VPS16: variants seen among roughly 807,000 people sequenced by gnomAD.
VPS16 encodes vacuolar protein sorting-associated protein 16 homolog.
A neutral mutation model predicts 116.0 loss-of-function variants in VPS16; 82 were observed. The observed-to-expected ratio is 0.71, with a 90% confidence interval of 0.59 to 0.85. The LOEUF (loss-of-function observed/expected upper bound fraction) is 0.85. VPS16 is among the 40% of genes least tolerant of loss of function. The pLI, the probability that VPS16 is intolerant of heterozygous loss-of-function variation, is 0.00. For missense variants in VPS16, 928 were observed against 1,090.6 expected (o/e 0.85, Z 2.10); for synonymous variants, 406 against 420.7 (o/e 0.96, Z 0.43).
intron 9 of VPS16, 39 bp downstream of exon 9, chr20:2,861,743 G>C: frequency 6.2e-7 from 1 of 1,611,190 alleles, no homozygotes; most frequent in African/African-American, 1.3e-5. Flanking sequence ...AGAGAGGGGA[G>C]GGGAGGGTTC....
intron 1 of VPS16, among the ~76,000 whole-genome samples, chr20:2,843,185 G>A (rs1327776143): frequency 6.6e-6 from 1 of 151,918 alleles, no homozygotes. Context: ...TGTAATCCCA[G>A]CACTTTGGGA....
Position 2,861,855 on chromosome 20 carries a change from G to T in VPS16, c.950G>T (p.Arg317Leu), listed in dbSNP as rs1161165222. The T allele has an allele frequency of 1.2e-6, 2 of 1,613,688 alleles. No homozygotes were observed. Among genetic ancestry groups the T allele is most frequent in the Non-Finnish European group, 1.7e-6 (2 of 1,179,858 alleles). Residue 317 changes from arginine (R) to leucine (L), a missense_variant, in exon 10 of 24, where the codon CGC becomes CTC. Physicochemically the swap from Arg to Leu is moderately radical, Grantham distance 102. Transcript: ENST00000380445. ...CTGGTGCCTGAGCTCGATGGGGTCCGCATCTTCTCCCGCAGCACCCACGAG... is the reference window on the plus strand; with the variant it reads ...CTGGTGCCTGAGCTCGATGGGGTCCTCATCTTCTCCCGCAGCACCCACGAG... The part of the protein sequence containing the change: ...SYLVPELDGV[R>L]IFSRSTHEFL...
intron 1 of VPS16, among the ~76,000 whole-genome samples, chr20:2,850,651 A>G (rs991925556): frequency 6.6e-6 from 1 of 151,936 alleles, no homozygotes; most frequent in Admixed American, 6.6e-5. Flanking sequence ...AAAAAGAAAA[A>G]AATTATTTAA....
chr20:2,848,148 C>T (rs537875493), intron 1 of VPS16, among the ~76,000 whole-genome samples: 30 of 152,364 alleles, frequency 2.0e-4, no homozygotes, highest in Admixed American at 1.5e-3. Context: ...TACACATCCA[C>T]AGGCACCAAA....
intron 11 of VPS16, among the ~76,000 whole-genome samples, 175 bp downstream of exon 11, chr20:2,862,305 G>A (rs2089238887): frequency 6.6e-6 from 1 of 152,226 alleles, no homozygotes. Context: ...TCCATGTGGT[G>A]TGATAGGGAC....
At chr20:2,848,762 G>A (rs2089087023) in intron 1 of VPS16, among the ~76,000 whole-genome samples, 2 of 152,184 alleles carry the variant, frequency 1.3e-5, no homozygotes, top group Admixed American at 6.5e-5. Context: ...GCTGGATAGA[G>A]CATTCTGTAA....
At chr20:2,852,992 T>G (rs2089136709) in intron 1 of VPS16, among the ~76,000 whole-genome samples, 1 of 152,236 alleles carries the variant, frequency 6.6e-6, no homozygotes, top group African/African-American at 2.4e-5. Context: ...AAATTGGAGT[T>G]AATCCTTTCA....
intron 1 of VPS16, among the ~76,000 whole-genome samples, chr20:2,859,437 C>T (rs2089203889): frequency 6.6e-6 from 1 of 152,214 alleles, no homozygotes; most frequent in Non-Finnish European, 1.5e-5. Flanking sequence ...ACGCAGCCTG[C>T]CTGGCTCAAG....
chr20:2,862,909 A>G lies in VPS16; in HGVS notation c.1306A>G (p.Ile436Val). 4.3e-6 allele frequency: 7 copies of G among 1,614,018 alleles called. No individual in the cohort carries two copies. Among genetic ancestry groups the G allele is most frequent in the African/African-American group, 1.3e-5 (1 of 74,992 alleles). The stretch of plus-strand genomic sequence containing the variant: ...GCTCAATGCTGTTCGGGACTATCAC[A>G]TCGGGATCCCGCTCACCTATAGCCA... ...RVLNAVRDYH[I>V]GIPLTYSQYK... Residue 436 changes from isoleucine (I) to valine (V), a missense_variant, in exon 13 of 24, where the codon ATC becomes GTC. Coordinates refer to ENST00000380445, the MANE Select transcript of VPS16 (RefSeq NM_022575.4).
At position 2,864,440 on chromosome 20, in the gene VPS16, T is replaced by C. The variant is rs1242804829; in HGVS notation, c.1796T>C (p.Met599Thr). The C allele has an allele frequency of 3.1e-6, 5 of 1,614,176 alleles. No individual in the cohort carries two copies. ...DFFMTLRNQPMALSLYRQFCK... is the reference protein window; with the variant it reads ...DFFMTLRNQPTALSLYRQFCK... ...TTCATGACCCTTCGGAATCAGCCCA[T>C]GGCCCTCAGTTTGTACCGACAGGTG... is the stretch of plus-strand genomic sequence containing the variant. Residue 599 changes from methionine to threonine, a missense_variant, in exon 18 of 24, where the codon ATG (methionine) becomes ACG (threonine). By Grantham distance (81) the Met-to-Thr change is moderately conservative (BLOSUM62 -1). Transcript: ENST00000380445. This position sits in a 1 kb window ranked among gnomAD's most constrained non-coding sequence, Gnocchi z 5.2.
intron 1 of VPS16, among the ~76,000 whole-genome samples, chr20:2,856,307 C>T (rs973819986): frequency 2.6e-5 from 4 of 152,086 alleles, no homozygotes; most frequent in African/African-American, 7.2e-5. Context: ...TTTGTGGCAC[C>T]CCAAAACAAT....
intron 1 of VPS16, among the ~76,000 whole-genome samples, chr20:2,857,501 T>G (rs2089183812): frequency 6.8e-6 from 1 of 147,196 alleles, no homozygotes; most frequent in Admixed American, 6.8e-5. Context: ...TTAAAAGTTG[T>G]ATTTCTTTCT....
rs941627068 is a variant in VPS16, at chr20:2,862,582, G to A, written c.1075G>A (p.Glu359Lys). 2.7e-5 allele frequency: 43 copies of A among 1,613,068 alleles called. No individual in the cohort carries two copies. The highest frequency in any genetic ancestry group is 3.6e-5 in the Non-Finnish European group (43 of 1,179,736). ...GCTCTGGACTGCTCCCCACCAGAAA[G>A]AGAGCCAGAAGGCGGACGAGTACCT... ...LLEAQKEYEKESQKADEYLRE... is the reference protein window; with the variant it reads ...LLEAQKEYEKKSQKADEYLRE... The change falls in exon 12 of 24, where the codon GAG (glutamate) becomes AAG (lysine). Residue 359 changes from glutamate (E) to lysine (K), a missense_variant. Physicochemically the swap from Glu to Lys is moderately conservative, Grantham distance 56. Transcript: ENST00000380445.
At position 2,864,913 on chromosome 20, in the gene VPS16, G is replaced by A; in HGVS notation, c.1927-65G>A. Reference sequence around the variant, plus strand: ...CACAGGGATGGGGGAGAAGACTGTAGCCTGGGTGAGGAGGGCGAGGGTCCT... The same window carrying A: ...CACAGGGATGGGGGAGAAGACTGTAACCTGGGTGAGGAGGGCGAGGGTCCT... On this transcript the variant is annotated intron_variant, in intron 19 of 23. Coordinates refer to ENST00000380445, the MANE Select transcript of VPS16 (RefSeq NM_022575.4). The surrounding 1 kb of genome is among the most constrained non-coding windows in gnomAD (Gnocchi z 5.2). The A allele has an allele frequency of 6.2e-7, 1 of 1,604,282 alleles. No individual in the cohort carries two copies. Among genetic ancestry groups the A allele is most frequent in the Non-Finnish European group, 8.5e-7 (1 of 1,172,296 alleles).
chr20:2,863,624 C>T lies in VPS16; in HGVS notation c.1476+226C>T, dbSNP rs11907866. Among the ~76,000 whole-genome samples, 721 of 152,090 alleles carry T rather than the reference C, an allele frequency of 4.7e-3. 3 individuals are homozygous for T. The highest frequency in any genetic ancestry group is 0.017 in the African/African-American group (688 of 41,492). ...CTAAAAATACAAAATTAGCCGGGCA[C>T]GGTGGCGCATGCCTGTAATCCCAGC... On this transcript the variant is annotated intron_variant, in intron 15 of 23. Coordinates refer to ENST00000380445, the MANE Select transcript of VPS16 (RefSeq NM_022575.4). This position sits in a 1 kb window ranked among gnomAD's most constrained non-coding sequence, Gnocchi z 4.4.
chr20:2,842,851 T>C (rs1311789066), intron 1 of VPS16, among the ~76,000 whole-genome samples: 1 of 149,432 alleles, frequency 6.7e-6, no homozygotes, highest in Non-Finnish European at 1.5e-5. Context: ...TATCGATAGA[T>C]AGATGTATCT....
In VPS16 at chr20:2,841,296, G is replaced by A. The variant is rs191641879; in HGVS notation, c.53+469G>A. 4.6e-3 allele frequency: 862 copies of A among 185,616 alleles called. 6 individuals carry two copies. The highest frequency in any genetic ancestry group is 7.0e-3 in the Non-Finnish European group (617 of 87,572). The allele number at this position is 185,616 out of a possible 1,614,324, so 11.5% of individuals were successfully genotyped here. ...GGGAACCCCTGGGTTAGGGCAGCCC[G>A]CCCATGGGAGTTGTAGAGTCCTAAA... On this transcript the variant is annotated intron_variant, in intron 1 of 23. Transcript: ENST00000380445.
chr20:2,859,839 G>A, intron 2 of VPS16, 32 bp downstream of exon 2: 1 of 1,594,546 alleles, frequency 6.3e-7, no homozygotes, highest in Non-Finnish European at 8.5e-7. Flanking sequence ...ACCTGCTCTG[G>A]GACCCTGGGA....
At chr20:2,859,201 A>G (rs1405782415) in intron 1 of VPS16, among the ~76,000 whole-genome samples, 1 of 152,052 alleles carries the variant, frequency 6.6e-6, no homozygotes, top group Admixed American at 6.6e-5. Flanking sequence ...GGAGGCTGAG[A>G]TGGGAAGATC....
Sources: allele counts gnomAD v4.1 joint callset (sites outside exome capture counted in the v4.1 genomes callset), GRCh38; gene constraint gnomAD v4.1.1; non-coding constraint Gnocchi (gnomAD v3.1); transcripts MANE v1.5; gene names NCBI Gene and HGNC (gene_info 2026-07-23, HGNC 2026-07-21).